The following NNT variants were observed in gnomAD, a reference collection of about 807,000 sequenced individuals.
NNT encodes nicotinamide nucleotide transhydrogenase, also known as NAD(P) transhydrogenase, mitochondrial.
A neutral mutation model predicts 104.8 loss-of-function variants in NNT; 50 were observed. The ratio of observed to expected loss-of-function variants is 0.48; its 90% CI spans 0.38 to 0.60. The LOEUF (loss-of-function observed/expected upper bound fraction) is 0.60, where lower values mean the gene tolerates loss of function less well. NNT is among the 20% of genes least tolerant of loss of function. The pLI is 0.00. For missense variants in NNT, 1,131 were observed against 1,330.7 expected, an observed-to-expected ratio of 0.85 and a Z score of 2.33; for synonymous variants, 461 against 490.4, an observed-to-expected ratio of 0.94 and a Z score of 0.79.
intron 19 of NNT, among the ~76,000 whole-genome samples, chr5:43,694,207 A>C (rs1256744513): frequency 6.6e-6 from 1 of 152,200 alleles, no homozygotes; most frequent in Admixed American, 6.5e-5. Context: ...GCTAGATATA[A>C]AATCATGTCA....
At chr5:43,682,618 G>C (rs1024733794) in intron 19 of NNT, among the ~76,000 whole-genome samples, 2 of 152,114 alleles carry the variant, frequency 1.3e-5, no homozygotes, top group African/African-American at 4.8e-5. Context: ...TTGCAAATTG[G>C]TAAAGCAATA....
At chr5:43,681,259 C>CCAA (rs1741697424) in intron 19 of NNT, among the ~76,000 whole-genome samples, 1 of 58,708 alleles carries the variant, frequency 1.7e-5, no homozygotes, top group Non-Finnish European at 3.8e-5. Context: ...GGCTCCTTCT[C>CCAA]AAAAAAAAAA....
intron 7 of NNT, among the ~76,000 whole-genome samples, chr5:43,638,275 T>A (rs2111777902): frequency 6.6e-6 from 1 of 152,262 alleles, no homozygotes; most frequent in East Asian, 1.9e-4. Flanking sequence ...CAGCAATTTA[T>A]AGCAGCGTGA....
intron 11 of NNT, among the ~76,000 whole-genome samples, chr5:43,649,944 G>A (rs955294282): frequency 6.6e-6 from 1 of 152,192 alleles, no homozygotes; most frequent in Non-Finnish European, 1.5e-5. Context: ...AAGCCTCAGG[G>A]CCAATAGTCA....
At chr5:43,669,391 C>T (rs1439632754) in intron 17 of NNT, among the ~76,000 whole-genome samples, 1 of 152,140 alleles carries the variant, frequency 6.6e-6, no homozygotes, top group Non-Finnish European at 1.5e-5. Context: ...AGTTTTTGCC[C>T]ATTCAGTATA....
At chr5:43,644,882 T>C in intron 9 of NNT, 80 bp downstream of exon 9, 1 of 1,215,398 alleles carries the variant, frequency 8.2e-7, no homozygotes, top group Non-Finnish European at 1.1e-6. Context: ...GAATTCTATT[T>C]TGGAATTGAG....
At chr5:43,603,839 G>A (rs141909110) in intron 1 of NNT, among the ~76,000 whole-genome samples, 1 of 152,108 alleles carries the variant, frequency 6.6e-6, no homozygotes, top group Non-Finnish European at 1.5e-5. Context: ...CAAATTGTGA[G>A]TGTGAGTTGG....
chr5:43,699,704 T>G (rs111988826), intron 19 of NNT, among the ~76,000 whole-genome samples: 352 of 152,298 alleles, frequency 2.3e-3, no homozygotes, highest in African/African-American at 8.1e-3. Flanking sequence ...AAGTCAGCTT[T>G]TGATAGAATA....
chr5:43,667,197 C>T lies in NNT; in HGVS notation c.2634+7847C>T, dbSNP rs1580075836. The T allele has an allele frequency of 4.1e-5, 58 of 1,403,114 alleles. No homozygotes were observed. The East Asian group carries it at 1.3e-3, about 32-fold the overall frequency. The allele number at this position is 1,403,114 out of a possible 1,614,324, so 86.9% of individuals were successfully genotyped here. A position where few individuals can be genotyped will look rare whatever the true frequency, so the allele number is the denominator to read the frequency against. On this transcript the variant is annotated intron_variant, in intron 17 of 21. Transcript: ENST00000344920. ...TACCATTTCTGTGCCATTTTCGGGA[C>T]TGGTTGTGTGTAGTGTGGTTCTTGG...
intron 12 of NNT, 103 bp from the exon 13 acceptor site, chr5:43,651,636 T>C: frequency 8.0e-7 from 1 of 1,252,978 alleles, no homozygotes; most frequent in Non-Finnish European, 1.1e-6. Context: ...TCCTAGGTGA[T>C]AAAGATGTGC....
intron 1 of NNT, among the ~76,000 whole-genome samples, chr5:43,606,307 AATCTC>A (rs1037859914): frequency 6.6e-6 from 1 of 152,200 alleles, no homozygotes; most frequent in African/African-American, 2.4e-5. Flanking sequence ...GGGGAAAAAA[AATCTC>A]ACTCAAGACA....
At chr5:43,691,064 T>TTTGA (rs1554055345) in intron 19 of NNT, among the ~76,000 whole-genome samples, 1 of 144,778 alleles carries the variant, frequency 6.9e-6, no homozygotes, top group Non-Finnish European at 1.5e-5. Flanking sequence ...AGAATTTTTT[T>TTTGA]GAGAGAGTGT....
At chr5:43,667,074 G>A in intron 17 of NNT, 1 of 1,592,674 alleles carries the variant, frequency 6.3e-7, no homozygotes, top group Non-Finnish European at 8.5e-7. Context: ...TCTTCTTTAG[G>A]CCCTTCTTGT....
chr5:43,611,166 A>G (rs913089671), intron 2 of NNT, among the ~76,000 whole-genome samples: 1 of 144,350 alleles, frequency 6.9e-6, no homozygotes, highest in East Asian at 2.1e-4. Context: ...GGGTCCACAC[A>G]TTGTATTTGC....
At chr5:43,698,049 A>G (rs1742647713) in intron 19 of NNT, among the ~76,000 whole-genome samples, 1 of 152,016 alleles carries the variant, frequency 6.6e-6, no homozygotes, top group Non-Finnish European at 1.5e-5. Flanking sequence ...AGACCTTGGA[A>G]AAAAATGAGG....
chr5:43,674,316 C>A (rs918481394), intron 17 of NNT, among the ~76,000 whole-genome samples: 2 of 152,136 alleles, frequency 1.3e-5, no homozygotes, highest in Admixed American at 1.3e-4. Flanking sequence ...TTTGTCTGGG[C>A]CCTACTCAGC....
At chr5:43,686,550 G>A (rs558931135) in intron 19 of NNT, among the ~76,000 whole-genome samples, 1 of 151,596 alleles carries the variant, frequency 6.6e-6, no homozygotes, top group Non-Finnish European at 1.5e-5. Flanking sequence ...ATTTTTACTG[G>A]CATTACAAGA....
intron 17 of NNT, among the ~76,000 whole-genome samples, chr5:43,670,930 A>G (rs1332494355): frequency 6.6e-6 from 1 of 152,166 alleles, no homozygotes; most frequent in Non-Finnish European, 1.5e-5. Context: ...GTCTCTTTGT[A>G]GGTCTCTAAG....
At chr5:43,620,430 G>A (rs1750022815) in intron 5 of NNT, among the ~76,000 whole-genome samples, 1 of 151,732 alleles carries the variant, frequency 6.6e-6, no homozygotes, top group Non-Finnish European at 1.5e-5. Flanking sequence ...CCATGTTGGC[G>A]AGGATGGTCT....
Sources: gnomAD v4.1 joint callset for allele counts (sites outside exome capture counted in the v4.1 genomes callset) on GRCh38, gnomAD v4.1.1 for gene constraint, MANE v1.5 for transcripts, NCBI Gene and HGNC (gene_info 2026-07-23, HGNC 2026-07-21) for gene names.